The following KLHL1 variants were observed in gnomAD, a reference collection of about 807,000 sequenced individuals.
KLHL1 encodes kelch-like protein 1.
A neutral mutation model predicts 77.7 loss-of-function variants in KLHL1; 47 were observed. The observed-to-expected ratio is 0.60, with a 90% CI of 0.48 to 0.77. The LOEUF is 0.77. KLHL1 is among the 30% of genes least tolerant of loss of function. The probability of loss-of-function intolerance (pLI) is 0.00; values close to 1 mark genes in which losing one functional copy is unlikely to be tolerated. For synonymous variants in KLHL1, 360 were observed against 325.2 expected, an observed-to-expected ratio of 1.11 and a Z score of -1.15; for missense variants, 925 against 910.8, an observed-to-expected ratio of 1.02 and a Z score of -0.20.
intron 1 of KLHL1, among the ~76,000 whole-genome samples, chr13:70,105,317 T>C (rs1324036724): frequency 6.6e-6 from 1 of 151,876 alleles, no homozygotes; most frequent in South Asian, 2.1e-4. Flanking sequence ...TAATTTATTA[T>C]AATTTCTTAA....
chr13:70,096,347 C>A (rs1238728748), intron 1 of KLHL1, among the ~76,000 whole-genome samples: 1 of 152,044 alleles, frequency 6.6e-6, no homozygotes, highest in Non-Finnish European at 1.5e-5. Context: ...GCATCCTCAC[C>A]AGCATCCCCT....
intron 4 of KLHL1, among the ~76,000 whole-genome samples, chr13:69,895,467 T>C (rs1266710695): frequency 3.3e-5 from 5 of 152,204 alleles, no homozygotes; most frequent in Non-Finnish European, 7.3e-5. Context: ...GGTATTTTTC[T>C]GATTTTGTAA....
intron 1 of KLHL1, among the ~76,000 whole-genome samples, chr13:69,990,341 G>T (rs2077109665): frequency 6.6e-6 from 1 of 151,986 alleles, no homozygotes; most frequent in Non-Finnish European, 1.5e-5. Flanking sequence ...GAATGTAAAT[G>T]GGATAAATGT....
rs137940278 is a variant in KLHL1 at position 70,010,992 on chromosome 13, C to T, written c.498-35190G>A. On this transcript the variant is annotated intron_variant, in intron 1 of 10. Transcript: ENST00000377844. ...TCAGTTAGGCTACTGGATAAACATT[C>T]TTGAGTTCTGGGGCAAGTTAAGATG... Among the ~76,000 whole-genome samples the T allele has an allele frequency of 5.2e-3, 787 of 152,134 alleles. 8 individuals carry two copies. The highest frequency in any genetic ancestry group is 0.018 in the African/African-American group (758 of 41,534).
intron 9 of KLHL1, among the ~76,000 whole-genome samples, chr13:69,711,998 G>T (rs1205717512): frequency 6.6e-6 from 1 of 151,976 alleles, no homozygotes; most frequent in African/African-American, 2.4e-5. Flanking sequence ...TTTCCCAGTA[G>T]TCATTGCCTA....
intron 5 of KLHL1, among the ~76,000 whole-genome samples, chr13:69,878,802 A>T (rs972479910): frequency 6.6e-6 from 1 of 152,096 alleles, no homozygotes; most frequent in East Asian, 1.9e-4. Flanking sequence ...ACATGCACAC[A>T]TATGTTTATT....
intron 7 of KLHL1, among the ~76,000 whole-genome samples, chr13:69,742,408 C>T (rs1325820933): frequency 2.0e-5 from 3 of 152,034 alleles, no homozygotes; most frequent in Admixed American, 1.3e-4. Context: ...TATGAGAGAC[C>T]CATGAAGAAT....
intron 1 of KLHL1, among the ~76,000 whole-genome samples, chr13:70,011,355 T>C (rs1885529536): frequency 6.6e-6 from 1 of 152,138 alleles, no homozygotes; most frequent in African/African-American, 2.4e-5. Flanking sequence ...AAAATATGAT[T>C]AATATAGAAA....
intron 4 of KLHL1, among the ~76,000 whole-genome samples, chr13:69,890,638 A>ACACACATG (rs1475413062): frequency 2.0e-5 from 3 of 148,188 alleles, no homozygotes; most frequent in African/African-American, 7.8e-5. Flanking sequence ...TTTCTTCCAC[A>ACACACATG]CACACACGCA....
intron 5 of KLHL1, among the ~76,000 whole-genome samples, chr13:69,881,952 C>A (rs1278955416): frequency 6.6e-6 from 1 of 152,026 alleles, no homozygotes; most frequent in Non-Finnish European, 1.5e-5. Flanking sequence ...TATGATTAGG[C>A]TTTTTACATA....
intron 1 of KLHL1, among the ~76,000 whole-genome samples, chr13:70,044,518 GT>G (rs906412714): frequency 1.5e-4 from 22 of 150,582 alleles, no homozygotes; most frequent in African/African-American, 2.2e-4. Context: ...ACATTTTAAT[GT>G]TTTTTTTTGT....
chr13:69,859,138 A>G (rs1286608764), intron 5 of KLHL1, among the ~76,000 whole-genome samples: 1 of 152,130 alleles, frequency 6.6e-6, no homozygotes, highest in Admixed American at 6.6e-5. Flanking sequence ...CTGTAACTGT[A>G]GAACAAACTA....
At chr13:69,951,390 C>G (rs1286338601) in intron 3 of KLHL1, among the ~76,000 whole-genome samples, 1 of 151,434 alleles carries the variant, frequency 6.6e-6, no homozygotes, top group African/African-American at 2.4e-5. Flanking sequence ...AAGAAGGCAA[C>G]TTCTACTGGC....
chr13:70,042,658 A>G (rs576410491), intron 1 of KLHL1, among the ~76,000 whole-genome samples: 11 of 152,282 alleles, frequency 7.2e-5, no homozygotes, highest in African/African-American at 2.2e-4. Context: ...ATAATCAATG[A>G]CTATGTCACT....
rs151330547 is a variant in KLHL1, at chr13:69,701,744, A to G, written c.2205T>C (p.Ile735=). The G allele has an allele frequency of 3.1e-4, 506 of 1,607,506 alleles. 1 individual carries two copies. Among genetic ancestry groups the G allele is most frequent in the Non-Finnish European group, 3.9e-4 (456 of 1,176,312 alleles). The change falls in exon 11 of 11, where the codon ATT becomes ATC. Residue 735 remains isoleucine (I), a synonymous_variant. Coordinates refer to ENST00000377844, the MANE Select transcript of KLHL1 (RefSeq NM_020866.3). The stretch of plus-strand genomic sequence containing the variant: ...CTACCACACAGGCACCTGCTCTCCC[A>G]ATATTCAAGGAAGCCATCTGTTAAA... The part of the protein sequence containing the change: ...NEWTQMASLN[I]GRAGACVVVI...
At chr13:70,037,526 G>T (rs932924611) in intron 1 of KLHL1, among the ~76,000 whole-genome samples, 5 of 151,810 alleles carry the variant, frequency 3.3e-5, no homozygotes, top group African/African-American at 1.2e-4. Flanking sequence ...TTTGTAATTT[G>T]TTGTCTAAAA....
At chr13:69,838,845 C>T in intron 6 of KLHL1, 131 bp downstream of exon 6, 1 of 513,938 alleles carries the variant, frequency 1.9e-6, no homozygotes, top group Middle Eastern at 5.2e-4. Context: ...TATTTAATTT[C>T]TCCCTTAATC....
chr13:70,070,980 G>A (rs984592473), intron 1 of KLHL1, among the ~76,000 whole-genome samples: 2 of 151,658 alleles, frequency 1.3e-5, no homozygotes, highest in African/African-American at 4.9e-5. Flanking sequence ...TAAAGGGAAG[G>A]CACAAAAAAT....
intron 1 of KLHL1, among the ~76,000 whole-genome samples, chr13:70,027,853 C>T (rs1256469336): frequency 6.6e-6 from 1 of 152,040 alleles, no homozygotes. Flanking sequence ...GGTTCTGGAG[C>T]CACTCCATGC....
Sources: gnomAD v4.1 joint callset for allele counts (sites outside exome capture counted in the v4.1 genomes callset) on GRCh38, gnomAD v4.1.1 for gene constraint, MANE v1.5 for transcripts, NCBI Gene and HGNC (gene_info 2026-07-23, HGNC 2026-07-21) for gene names.